The following TAFA1 variants were observed in gnomAD, a reference collection of about 807,000 sequenced individuals.
TAFA1 encodes chemokine-like protein TAFA-1.
Under a neutral mutation model 18.5 loss-of-function variants are expected in TAFA1, and 4 were observed. That is an observed-to-expected ratio of 0.22 (90% CI 0.11 to 0.49). The LOEUF is 0.49. TAFA1 is among the 20% of genes least tolerant of loss of function. The pLI, the probability that TAFA1 is intolerant of heterozygous loss-of-function variation, is 0.98. For missense variants in TAFA1, 147 were observed against 169.0 expected (o/e 0.87, Z 0.72); for synonymous variants, 56 against 55.2 (o/e 1.01, Z -0.06).
intron 2 of TAFA1, among the ~76,000 whole-genome samples, chr3:68,348,662 G>A (rs2069209670): frequency 6.6e-6 from 1 of 152,066 alleles, no homozygotes; most frequent in Non-Finnish European, 1.5e-5. Flanking sequence ...CCAATAAATT[G>A]CAAAGGGCTT....
At chr3:68,324,668 A>G (rs1575777783) in intron 2 of TAFA1, among the ~76,000 whole-genome samples, 3 of 152,318 alleles carry the variant, frequency 2.0e-5, no homozygotes, top group African/African-American at 7.2e-5. Context: ...CATAATTAGT[A>G]TTTGGGAGGC....
At chr3:68,519,289 C>G (rs185167227) in intron 3 of TAFA1, among the ~76,000 whole-genome samples, 29 of 152,282 alleles carry the variant, frequency 1.9e-4, no homozygotes, top group Admixed American at 1.8e-3. Flanking sequence ...AATGAGAAGA[C>G]GTCATCTATA....
intron 2 of TAFA1, among the ~76,000 whole-genome samples, chr3:68,167,644 CA>C (rs2066000947): frequency 6.6e-6 from 1 of 150,768 alleles, no homozygotes; most frequent in Non-Finnish European, 1.5e-5. Context: ...CTCAATCAAT[CA>C]ACCACACTAT....
At chr3:67,995,721 A>G in the TAFA1 span, among the ~76,000 whole-genome samples, 4 of 152,064 alleles carry the variant, frequency 2.6e-5, no homozygotes, top group African/African-American at 9.7e-5. Flanking sequence ...GTGATGCAAA[A>G]AGCATTTTCC....
chr3:68,372,789 G>GA (rs1304409835), intron 2 of TAFA1, among the ~76,000 whole-genome samples: 1 of 151,244 alleles, frequency 6.6e-6, no homozygotes, highest in Non-Finnish European at 1.5e-5. Context: ...TTAGCACTAA[G>GA]AAAAAAAATC....
chr3:68,142,538 G>A (rs2106904590), intron 2 of TAFA1, among the ~76,000 whole-genome samples: 1 of 152,262 alleles, frequency 6.6e-6, no homozygotes, highest in South Asian at 2.1e-4. Flanking sequence ...CTTTCTCCAG[G>A]TCTCAGCTTC....
chr3:68,243,989 T>C (rs567668016), intron 2 of TAFA1, among the ~76,000 whole-genome samples: 80 of 152,334 alleles, frequency 5.3e-4, no homozygotes, highest in Non-Finnish European at 9.1e-4. Context: ...CAGATATATG[T>C]GTAGTGAAGT....
chr3:68,003,039 G>T (rs1030520176), upstream of TAFA1, among the ~76,000 whole-genome samples: 40 of 152,344 alleles, frequency 2.6e-4, no homozygotes, highest in African/African-American at 9.4e-4. Context: ...ATGAGGCACA[G>T]ATGTGAAACA....
At chr3:68,353,529 G>C (rs9860653) in intron 2 of TAFA1, among the ~76,000 whole-genome samples, 5,074 of 152,108 alleles carry the variant, frequency 0.033, 285 homozygotes, top group African/African-American at 0.12. Flanking sequence ...AGCTAGGTTT[G>C]TGGACAAGTA....
intron 2 of TAFA1, among the ~76,000 whole-genome samples, chr3:68,407,277 C>G (rs977928184): frequency 6.6e-6 from 1 of 152,020 alleles, no homozygotes; most frequent in Non-Finnish European, 1.5e-5. Context: ...TTATTATAAT[C>G]ACTTTGCCTG....
chr3:68,185,795 C>G (rs1575667397), intron 2 of TAFA1, among the ~76,000 whole-genome samples: 1 of 151,842 alleles, frequency 6.6e-6, no homozygotes, highest in African/African-American at 2.4e-5. Context: ...GCCTTTAGTC[C>G]CAGCTACTCA....
At chr3:68,181,279 C>T (rs2106985713) in intron 2 of TAFA1, among the ~76,000 whole-genome samples, 1 of 150,158 alleles carries the variant, frequency 6.7e-6, no homozygotes, top group Middle Eastern at 3.5e-3. Context: ...GAAACTGTGT[C>T]TTGTTTTAAG....
intron 3 of TAFA1, among the ~76,000 whole-genome samples, chr3:68,475,970 G>A (rs2072087172): frequency 6.6e-6 from 1 of 152,130 alleles, no homozygotes; most frequent in Non-Finnish European, 1.5e-5. Context: ...TTTGAGAAGT[G>A]TCTGTTCATG....
rs1373483666 is a variant in TAFA1 at position 68,308,044 on chromosome 3, G to A, written c.119-109236G>A. On this transcript the variant is annotated intron_variant, in intron 2 of 4. Transcript: ENST00000478136. ...GTGTAATCACTCCCCAAAATGCCAA[G>A]CATAGTAATAAATCGGGTGACATAA... Among the ~76,000 whole-genome samples the A allele has an allele frequency of 3.9e-5, 6 of 152,208 alleles. No individual in the cohort carries two copies. The East Asian group carries it at 1.2e-3, about 29-fold the overall frequency.
At chr3:68,449,815 C>G (rs1453256967) in intron 3 of TAFA1, among the ~76,000 whole-genome samples, 1 of 152,154 alleles carries the variant, frequency 6.6e-6, no homozygotes, top group Admixed American at 6.5e-5. Context: ...GTATTCATGT[C>G]TACATGAGTA....
chr3:68,145,063 C>T (rs936160530), intron 2 of TAFA1: 28 of 1,598,450 alleles, frequency 1.8e-5, no homozygotes, highest in South Asian at 8.8e-5. Context: ...TGGATCAGTG[C>T]GAGAACCAGG....
At chr3:68,120,233 CTT>C (rs753456486) in intron 2 of TAFA1, among the ~76,000 whole-genome samples, 2 of 113,198 alleles carry the variant, frequency 1.8e-5, no homozygotes, top group South Asian at 3.0e-4. Flanking sequence ...TTCTTTCTTT[CTT>C]TCTTTCTTTC....
intron 2 of TAFA1, among the ~76,000 whole-genome samples, chr3:68,205,807 T>C (rs2066520173): frequency 6.6e-6 from 1 of 151,830 alleles, no homozygotes. Flanking sequence ...TACACTAATA[T>C]GAAAATATAT....
chr3:68,503,480 A>G (rs2072695749), intron 3 of TAFA1, among the ~76,000 whole-genome samples: 2 of 152,184 alleles, frequency 1.3e-5, no homozygotes, highest in Admixed American at 6.6e-5. Context: ...CAGAATAGGT[A>G]AATCCATAGA....
Sources: allele counts gnomAD v4.1 joint callset (sites outside exome capture counted in the v4.1 genomes callset), GRCh38; gene constraint gnomAD v4.1.1; transcripts MANE v1.5; gene names NCBI Gene and HGNC (gene_info 2026-07-23, HGNC 2026-07-21).